The following CXXC4 variants were observed in gnomAD, a reference collection of about 807,000 sequenced individuals.
CXXC4 encodes CXXC finger protein 4.
In CXXC4, 5 loss-of-function variants were observed where a neutral mutation model predicts 20.5. The ratio of observed to expected loss-of-function variants is 0.24; its 90% CI spans 0.13 to 0.51. The LOEUF is 0.51. Among genes scored for constraint, CXXC4 ranks in the 20% least tolerant of loss-of-function variants. CXXC4 has a pLI of 0.97. For missense variants in CXXC4, 419 were observed against 496.4 expected, an observed-to-expected ratio of 0.84 and a Z score of 1.48; for synonymous variants, 250 against 216.4, an observed-to-expected ratio of 1.16 and a Z score of -1.36.
chr4:104,485,084 AAAATACAT>A (rs1398339856), intron 2 of CXXC4, among the ~76,000 whole-genome samples: 1 of 152,114 alleles, frequency 6.6e-6, no homozygotes, highest in African/African-American at 2.4e-5. Context: ...TGGATTACAA[AAAATACAT>A]ACTTTCTTGA....
rs1736844360 is a variant in CXXC4 at position 104,491,245 on chromosome 4, T to C, written c.558A>G (p.Pro186=). 3 of 1,612,602 alleles carry C rather than the reference T, an allele frequency of 1.9e-6. No individual in the cohort carries two copies. The highest frequency in any genetic ancestry group is 1.3e-5 in the African/African-American group (1 of 74,792). ...SQRLGKAGCP[P]EPSLQMANTN... is the part of the protein sequence containing the mutation. ...TATTTGCCATTTGCAACGACGGCTC[T>C]GGCGGGCAGCCAGCTTTCCCCAGCC... is the stretch of plus-strand genomic sequence containing the variant. The change falls in exon 2 of 3, where the codon CCA becomes CCG. Residue 186 remains proline (P), a synonymous_variant. Transcript: ENST00000394767.
At chr4:104,489,817 A>T (rs1004970456) in intron 2 of CXXC4, among the ~76,000 whole-genome samples, 1 of 152,208 alleles carries the variant, frequency 6.6e-6, no homozygotes, top group Non-Finnish European at 1.5e-5. Flanking sequence ...TTTAGTGAGC[A>T]TCTGTACAAT....
chr4:104,482,142 T>G (rs1313623634), intron 2 of CXXC4, among the ~76,000 whole-genome samples: 1 of 152,238 alleles, frequency 6.6e-6, no homozygotes, highest in East Asian at 1.9e-4. Context: ...TATATTTTTC[T>G]GCTCCATTTT....
chr4:104,474,372 T>C (rs1037987617), intron 2 of CXXC4, among the ~76,000 whole-genome samples: 6 of 152,056 alleles, frequency 3.9e-5, no homozygotes, highest in African/African-American at 1.4e-4. Flanking sequence ...TTATACACAT[T>C]GATTACATTA....
intron 2 of CXXC4, among the ~76,000 whole-genome samples, chr4:104,473,186 T>C (rs1165278512): frequency 6.6e-6 from 1 of 151,884 alleles, no homozygotes; most frequent in Non-Finnish European, 1.5e-5. Context: ...TATCATTAAA[T>C]TCTAAACACA....
chr4:104,473,066 A>G (rs933280881), intron 2 of CXXC4, among the ~76,000 whole-genome samples: 1 of 151,862 alleles, frequency 6.6e-6, no homozygotes, highest in Non-Finnish European at 1.5e-5. Context: ...CAATATATAT[A>G]TATATACATA....
intron 1 of CXXC4, among the ~76,000 whole-genome samples, chr4:104,493,530 T>C (rs1165805272): frequency 6.6e-6 from 1 of 152,176 alleles, no homozygotes; most frequent in Non-Finnish European, 1.5e-5. Context: ...TGAGGTGCTC[T>C]AAAAAGAGGG....
intron 2 of CXXC4, among the ~76,000 whole-genome samples, chr4:104,480,412 T>C (rs1736522523): frequency 1.3e-5 from 2 of 152,172 alleles, no homozygotes; most frequent in Non-Finnish European, 2.9e-5. Context: ...TACACTGACA[T>C]TTTGTACCAT....
At chr4:104,489,178 T>C (rs535270356) in intron 2 of CXXC4, among the ~76,000 whole-genome samples, 1 of 152,128 alleles carries the variant, frequency 6.6e-6, no homozygotes, top group African/African-American at 2.4e-5. Context: ...TAATAAACCA[T>C]CCAGGAGTAA....
At chr4:104,474,779 G>A (rs2082201356) in intron 2 of CXXC4, among the ~76,000 whole-genome samples, 1 of 151,978 alleles carries the variant, frequency 6.6e-6, no homozygotes. Context: ...CTTGTATCTT[G>A]ATAAACATAT....
chr4:104,473,831 A>G (rs1211712289), intron 2 of CXXC4, among the ~76,000 whole-genome samples: 1 of 151,884 alleles, frequency 6.6e-6, no homozygotes, highest in Non-Finnish European at 1.5e-5. Flanking sequence ...AATAAACACA[A>G]AATTCTGCTA....
chr4:104,484,577 G>A (rs1736636163), intron 2 of CXXC4, among the ~76,000 whole-genome samples: 2 of 152,038 alleles, frequency 1.3e-5, no homozygotes, highest in East Asian at 3.9e-4. Context: ...TTAAGAAAGA[G>A]GAAACCAAAA....
At position 104,470,064 on chromosome 4, in the gene CXXC4, A is replaced by C. The variant is rs1387944881; in HGVS notation, c.*2258T>G. The C allele has an allele frequency of 1.3e-5, 2 of 151,908 alleles. No homozygotes were observed. The highest frequency in any genetic ancestry group is 6.6e-5 in the Admixed American group (1 of 15,196). The allele number at this position is 151,908 out of a possible 1,614,324, so 9.4% of individuals were successfully genotyped here. A position where few individuals can be genotyped will look rare whatever the true frequency, so the allele number is the denominator to read the frequency against. On this transcript the variant is annotated 3_prime_UTR_variant, in exon 3 of 3. Coordinates refer to ENST00000394767, the MANE Select transcript of CXXC4 (RefSeq NM_025212.4). ...TAATAACAATCATCATTTTCCAAAGAGCAAGGCAAGCTTATCATTCAAGTG... is the reference window on the plus strand; with the variant it reads ...TAATAACAATCATCATTTTCCAAAGCGCAAGGCAAGCTTATCATTCAAGTG...
Position 104,491,823 on chromosome 4 carries a change from G to A in CXXC4, c.-21C>T. On this transcript the variant is annotated 5_prime_UTR_variant, in exon 2 of 3. Transcript: ENST00000394767. ...TTCATGGTGCAGGGGGGGAAGAAGG[G>A]GTGCAGGGTGGAAGTGGGGACCGCC... 7.4e-7 allele frequency: 1 copy of A among 1,344,776 alleles called. No individual in the cohort carries two copies. Among genetic ancestry groups the A allele is most frequent in the Non-Finnish European group, 9.6e-7 (1 of 1,039,240 alleles). 83.3% of individuals were successfully genotyped at this position (1,344,776 alleles called of 1,614,324 possible). A position where few individuals can be genotyped will look rare whatever the true frequency, so the allele number is the denominator to read the frequency against.
intron 2 of CXXC4, among the ~76,000 whole-genome samples, chr4:104,473,907 G>C (rs182714520): frequency 4.5e-4 from 68 of 152,056 alleles, no homozygotes; most frequent in Admixed American, 1.6e-3. Flanking sequence ...GGTGGACATT[G>C]TCCTATTGTA....
rs1276711002 is a variant in CXXC4 at position 104,469,526 on chromosome 4, T to C, written c.*2796A>G. 6.6e-6 allele frequency: 1 copy of C among 152,102 alleles called. No individual in the cohort carries two copies. The highest frequency in any genetic ancestry group is 1.5e-5 in the Non-Finnish European group (1 of 67,984). 9.4% of individuals were successfully genotyped at this position (152,102 alleles called of 1,614,324 possible). On this transcript the variant is annotated 3_prime_UTR_variant, in exon 3 of 3. Transcript: ENST00000394767. ...CACACAGTGAGGAATATTTAAAAGT[T>C]ACATTTCATTGGTATTTGAAAATCA...
intron 2 of CXXC4, among the ~76,000 whole-genome samples, chr4:104,477,162 A>G (rs1736430207): frequency 6.6e-6 from 1 of 152,086 alleles, no homozygotes; most frequent in African/African-American, 2.4e-5. Flanking sequence ...AAACATAATA[A>G]TGGACCCCAC....
rs548812618 is a variant in CXXC4, at chr4:104,491,841, G to A, written c.-39C>T. 1 of 1,029,096 alleles carries A rather than the reference G, an allele frequency of 9.7e-7. No individual in the cohort carries two copies. Among genetic ancestry groups the A allele is most frequent in the East Asian group, 9.8e-5 (1 of 10,182 alleles). The allele number at this position is 1,029,096 out of a possible 1,614,324, so 63.7% of individuals were successfully genotyped here. ...AAGAAGGGGTGCAGGGTGGAAGTGG[G>A]GACCGCCTGGTCCGACACCTGGGTG... On this transcript the variant is annotated 5_prime_UTR_variant, in exon 2 of 3. Coordinates refer to ENST00000394767, the MANE Select transcript of CXXC4 (RefSeq NM_025212.4).
At position 104,491,755 on chromosome 4, in the gene CXXC4, C is replaced by G. The variant is rs1159218335; in HGVS notation, c.48G>C (p.Pro16=). Residue 16 remains proline (P), a synonymous_variant, in exon 2 of 3, where the codon CCG becomes CCC. Transcript: ENST00000394767. ...CVEPGPSPEA[P]GLPKESHLPE... Reference sequence around the variant, plus strand: ...GCAAGTGGCTTTCCTTGGGCAAGCCCGGGGCCTCCGGGCTCGGCCCGGGCT... The same window carrying G: ...GCAAGTGGCTTTCCTTGGGCAAGCCGGGGGCCTCCGGGCTCGGCCCGGGCT... 2.0e-6 allele frequency: 3 copies of G among 1,532,700 alleles called. No homozygotes were observed. Among genetic ancestry groups the G allele is most frequent in the Non-Finnish European group, 2.6e-6 (3 of 1,138,570 alleles). 94.9% of individuals were successfully genotyped at this position (1,532,700 alleles called of 1,614,324 possible). A position where few individuals can be genotyped will look rare whatever the true frequency, so the allele number is the denominator to read the frequency against.
Sources: gnomAD v4.1 joint callset for allele counts (sites outside exome capture counted in the v4.1 genomes callset) on GRCh38, gnomAD v4.1.1 for gene constraint, MANE v1.5 for transcripts, NCBI Gene and HGNC (gene_info 2026-07-23, HGNC 2026-07-21) for gene names.